FBXL17: variants seen among roughly 807,000 people sequenced by gnomAD.
FBXL17 encodes F-box/LRR-repeat protein 17.
A neutral mutation model predicts 66.2 loss-of-function variants in FBXL17; 22 were observed. That is an observed-to-expected ratio of 0.33 (90% CI 0.24 to 0.47). The LOEUF (loss-of-function observed/expected upper bound fraction) is 0.47, where lower values mean the gene tolerates loss of function less well. FBXL17 is among the 20% of genes least tolerant of loss of function. The pLI, the probability that FBXL17 is intolerant of heterozygous loss-of-function variation, is 1.00. For synonymous variants in FBXL17, 474 were observed against 400.5 expected (o/e 1.18, Z -2.19); for missense variants, 878 against 948.2 (o/e 0.93, Z 0.97).
intron 2 of FBXL17, among the ~76,000 whole-genome samples, chr5:108,367,306 G>A (rs1393296396): frequency 6.6e-6 from 1 of 151,458 alleles, no homozygotes; most frequent in Non-Finnish European, 1.5e-5. Flanking sequence ...GCAACAGGAA[G>A]AGTAGAAAGT....
chr5:107,965,127 C>T (rs555535100), intron 7 of FBXL17, among the ~76,000 whole-genome samples: 1 of 152,196 alleles, frequency 6.6e-6, no homozygotes, highest in Non-Finnish European at 1.5e-5. Context: ...TGGGTAAGTA[C>T]ATACTAAAGT....
intron 7 of FBXL17, among the ~76,000 whole-genome samples, chr5:108,012,889 C>A (rs1042744787): frequency 1.6e-4 from 25 of 152,018 alleles, no homozygotes; most frequent in Non-Finnish European, 3.2e-4. Context: ...GTGGCACATG[C>A]CTGTAATCCC....
chr5:108,249,277 GA>G (rs1756242854), intron 4 of FBXL17, among the ~76,000 whole-genome samples: 1 of 152,070 alleles, frequency 6.6e-6, no homozygotes, highest in South Asian at 2.1e-4. Flanking sequence ...TTAAGAAAGG[GA>G]GATTTCAGTC....
intron 3 of FBXL17, among the ~76,000 whole-genome samples, chr5:108,358,082 GTTT>G (rs1053354629): frequency 2.0e-5 from 3 of 151,994 alleles, no homozygotes; most frequent in African/African-American, 4.8e-5. Context: ...GTTTTTTGTG[GTTT>G]CTCTGGGGTT....
chr5:108,248,606 C>T (rs922054783), intron 4 of FBXL17, among the ~76,000 whole-genome samples: 11 of 151,944 alleles, frequency 7.2e-5, no homozygotes, highest in African/African-American at 2.2e-4. Flanking sequence ...TCAAGATGAG[C>T]GAATGTTAAA....
Position 108,230,649 on chromosome 5 carries a change from G to A in FBXL17, c.1507-6421C>T, listed in dbSNP as rs147549593. ...ACTGCTCGGGTGATGGGTGCACCAC[G>A]ATCTCACAAATCGTCACTGAAGAAC... On this transcript the variant is annotated intron_variant, in intron 4 of 8. Transcript: ENST00000542267. Among the ~76,000 whole-genome samples, 422 of 141,264 alleles carry A rather than the reference G, an allele frequency of 3.0e-3. 2 individuals are homozygous for A. Among genetic ancestry groups the A allele is most frequent in the African/African-American group, 0.011 (396 of 37,444 alleles). The allele number at this position is 141,264 out of a possible 152,430, so 92.7% of individuals were successfully genotyped here.
At chr5:108,171,894 A>C (rs1342844022) in intron 6 of FBXL17, among the ~76,000 whole-genome samples, 1 of 152,126 alleles carries the variant, frequency 6.6e-6, no homozygotes, top group East Asian at 1.9e-4. Context: ...AGTAAGTCTC[A>C]CAAGATCTGA....
At chr5:108,106,231 T>C (rs1256099486) in intron 6 of FBXL17, among the ~76,000 whole-genome samples, 2 of 152,128 alleles carry the variant, frequency 1.3e-5, no homozygotes, top group Non-Finnish European at 2.9e-5. Flanking sequence ...ATGTGAACAT[T>C]AATGAAAATA....
chr5:107,861,604 C>T lies in FBXL17; in HGVS notation c.*116G>A, dbSNP rs1262767862. 9 of 978,468 alleles carry T rather than the reference C, an allele frequency of 9.2e-6. No homozygotes were observed. Among genetic ancestry groups the T allele is most frequent in the Non-Finnish European group, 1.2e-5 (9 of 734,056 alleles). The allele number at this position is 978,468 out of a possible 1,614,324, so 60.6% of individuals were successfully genotyped here. On this transcript the variant is annotated 3_prime_UTR_variant, in exon 9 of 9. Transcript: ENST00000542267. Reference sequence around the variant, plus strand: ...TGCAAACAAGACACAAATACACATACTTGAACACACACAGACAGGTGACAG... The same window carrying T: ...TGCAAACAAGACACAAATACACATATTTGAACACACACAGACAGGTGACAG...
At chr5:108,344,013 G>A (rs188826960) in intron 4 of FBXL17, among the ~76,000 whole-genome samples, 1 of 152,258 alleles carries the variant, frequency 6.6e-6, no homozygotes, top group African/African-American at 2.4e-5. Flanking sequence ...GTATGAAGTA[G>A]TATTGTATCC....
chr5:107,892,551 C>T (rs971453169), intron 7 of FBXL17, among the ~76,000 whole-genome samples: 3 of 152,060 alleles, frequency 2.0e-5, no homozygotes, highest in Non-Finnish European at 4.4e-5. Context: ...ACTTAATTTT[C>T]CCAGAGTAAA....
intron 7 of FBXL17, among the ~76,000 whole-genome samples, chr5:107,915,767 C>A (rs62361080): frequency 0.096 from 14,661 of 152,192 alleles, 954 homozygotes; most frequent in Non-Finnish European, 0.14. Flanking sequence ...CTGCTAGAAC[C>A]AAATACCTTA....
intron 6 of FBXL17, among the ~76,000 whole-genome samples, chr5:108,083,458 T>C (rs1748852657): frequency 6.6e-6 from 1 of 152,178 alleles, no homozygotes; most frequent in South Asian, 2.1e-4. Flanking sequence ...TGGAGTGCAG[T>C]AGTGTGATCT....
intron 5 of FBXL17, among the ~76,000 whole-genome samples, chr5:108,216,814 T>C (rs531869146): frequency 1.2e-3 from 179 of 152,186 alleles, no homozygotes; most frequent in African/African-American, 4.1e-3. Context: ...GTGTTATACC[T>C]AGAGACATGC....
intron 7 of FBXL17, among the ~76,000 whole-genome samples, chr5:107,881,530 T>G (rs1748790359): frequency 1.3e-5 from 2 of 152,316 alleles, no homozygotes; most frequent in South Asian, 4.2e-4. Context: ...CTAACTTAAT[T>G]TTACCCAAGA....
chr5:108,154,616 TACAC>T (rs768615062), intron 6 of FBXL17, among the ~76,000 whole-genome samples: 203 of 96,266 alleles, frequency 2.1e-3, no homozygotes, highest in African/African-American at 5.8e-3. Flanking sequence ...AATATATATA[TACAC>T]ACACACACAC....
intron 8 of FBXL17, among the ~76,000 whole-genome samples, chr5:107,875,215 G>C (rs1295744207): frequency 6.6e-6 from 1 of 151,932 alleles, no homozygotes; most frequent in Non-Finnish European, 1.5e-5. Flanking sequence ...GGGAAGAGGA[G>C]AGTCCCTGCA....
chr5:108,327,907 TAC>T (rs1283838085), intron 4 of FBXL17, among the ~76,000 whole-genome samples: 2 of 152,178 alleles, frequency 1.3e-5, no homozygotes, highest in South Asian at 2.1e-4. Context: ...ACAGTTCACA[TAC>T]ACAGAGTTCA....
chr5:107,965,715 AG>A (rs1752102364), intron 7 of FBXL17, among the ~76,000 whole-genome samples: 2 of 152,284 alleles, frequency 1.3e-5, no homozygotes, highest in South Asian at 4.1e-4. Context: ...TTATACATGG[AG>A]GTATAGCCAG....
Sources: gnomAD v4.1 joint callset for allele counts (sites outside exome capture counted in the v4.1 genomes callset) on GRCh38, gnomAD v4.1.1 for gene constraint, MANE v1.5 for transcripts, NCBI Gene and HGNC (gene_info 2026-07-23, HGNC 2026-07-21) for gene names.